The following TPO variants were observed in gnomAD, a reference collection of about 807,000 sequenced individuals.
The protein encoded by TPO is thyroid microsomal antigen.
In TPO, 78 loss-of-function variants were observed where a neutral mutation model predicts 96.9. The observed-to-expected ratio is 0.81, with a 90% confidence interval of 0.67 to 0.97. The LOEUF is 0.97. Ranked by LOEUF, TPO falls within the 50% of genes least tolerant of loss-of-function variation. The pLI, the probability that TPO is intolerant of heterozygous loss-of-function variation, is 0.00. For missense variants in TPO, 1,252 were observed against 1,274.8 expected (o/e 0.98, Z 0.27); for synonymous variants, 547 against 538.0 (o/e 1.02, Z -0.23).
Position 1,496,101 on chromosome 2 carries a change from G to T in TPO, c.2119G>T (p.Asp707Tyr), listed in dbSNP as rs781602886. The change falls in exon 12 of 17, where the codon GAT (aspartate) becomes TAT (tyrosine). Residue 707 changes from aspartate to tyrosine, a missense_variant. Transcript: ENST00000329066. Reference sequence around the variant, plus strand: ...CACTGGCCTCACCAGGGTGCCCATGGATGCCTTCCAAGTCGGCAAATTCCC... The same window carrying T: ...CACTGGCCTCACCAGGGTGCCCATGTATGCCTTCCAAGTCGGCAAATTCCC... ...DNTGLTRVPMDAFQVGKFPED... is the reference protein window; with the variant it reads ...DNTGLTRVPMYAFQVGKFPED... 5 of 1,614,010 alleles carry T rather than the reference G, an allele frequency of 3.1e-6. No homozygotes were observed. The African/African-American group carries it at 6.7e-5, about 22-fold the overall frequency.
chr2:1,539,544 T>A (rs1680475546), intron 15 of TPO, among the ~76,000 whole-genome samples: 2 of 152,160 alleles, frequency 1.3e-5, no homozygotes, highest in Non-Finnish European at 1.5e-5. Flanking sequence ...GTCTTCCATG[T>A]ACACCTAGGT....
intron 5 of TPO, among the ~76,000 whole-genome samples, chr2:1,443,422 G>T (rs1220763221): frequency 6.7e-6 from 1 of 149,242 alleles, no homozygotes; most frequent in Non-Finnish European, 1.5e-5. Context: ...GCACCGTGTT[G>T]GAAGGGAATG....
At chr2:1,527,766 C>A (rs542446953) in intron 15 of TPO, among the ~76,000 whole-genome samples, 1 of 142,190 alleles carries the variant, frequency 7.0e-6, no homozygotes, top group Admixed American at 7.0e-5. Context: ...CTCCCCAAAT[C>A]CCCCCCACTC....
chr2:1,414,780 GT>G (rs1573079595), intron 2 of TPO, among the ~76,000 whole-genome samples: 1 of 152,148 alleles, frequency 6.6e-6, no homozygotes, highest in East Asian at 1.9e-4. Context: ...CTTTGGGAGT[GT>G]TTTTCTTCCT....
In TPO at chr2:1,472,827, CAAAA is replaced by C. The variant is rs34064729; in HGVS notation, c.820-4238_820-4235del. Among the ~76,000 whole-genome samples the C allele has an allele frequency of 6.2e-3, 300 of 48,324 alleles. 1 individual carries two copies. The highest frequency in any genetic ancestry group is 0.026 in the African/African-American group (289 of 11,322). The allele number at this position is 48,324 out of a possible 152,430, so 31.7% of individuals were successfully genotyped here. A position where few individuals can be genotyped will look rare whatever the true frequency, so the allele number is the denominator to read the frequency against. On this transcript the variant is annotated intron_variant, in intron 7 of 16. Coordinates refer to ENST00000329066, the MANE Select transcript of TPO (RefSeq NM_001206744.2). ...TCATTTTTTTCTGCTTGTTTGGCGG[CAAAA>C]AAAAAAAAAAAAAAAAAAAAGGAGA...
intron 15 of TPO, 100 bp from the exon 16 acceptor site, chr2:1,540,494 A>G: frequency 1.3e-6 from 2 of 1,598,344 alleles, no homozygotes; most frequent in South Asian, 2.2e-5. Flanking sequence ...CCTGCCAAAG[A>G]CAAGCACGGC....
chr2:1,506,467 C>T, intron 14 of TPO, among the ~76,000 whole-genome samples: 1 of 152,166 alleles, frequency 6.6e-6, no homozygotes, highest in Non-Finnish European at 1.5e-5. Context: ...ACACTGCCTT[C>T]CACAATGGTT....
At chr2:1,531,833 C>G (rs61522574) in intron 15 of TPO, among the ~76,000 whole-genome samples, 1 of 80,148 alleles carries the variant, frequency 1.2e-5, no homozygotes, top group Non-Finnish European at 2.5e-5. Context: ...CAAATCACCC[C>G]CACTCTCTGC....
At chr2:1,515,135 C>A (rs1428805083) in intron 14 of TPO, among the ~76,000 whole-genome samples, 1 of 152,200 alleles carries the variant, frequency 6.6e-6, no homozygotes, top group East Asian at 1.9e-4. Context: ...CCTGTGCTTA[C>A]CTGGAATTCC....
In TPO at chr2:1,433,626, C is replaced by A. The variant is rs1665252484; in HGVS notation, c.349+19C>A. On this transcript the variant is annotated intron_variant, in intron 4 of 16. Transcript: ENST00000329066. ...CCAACGGGTAATGTGTGCCCCTCTC[C>A]CCACTGAGGAGCGGCAACTCCCGAA... is the stretch of plus-strand genomic sequence containing the variant. 8.7e-6 allele frequency: 14 copies of A among 1,611,878 alleles called. No individual in the cohort carries two copies. The highest frequency in any genetic ancestry group is 1.1e-5 in the Non-Finnish European group (13 of 1,178,758).
rs1245361149 is a variant in TPO at position 1,423,146 on chromosome 2, G to T, written c.179+17G>T. 1 of 1,612,024 alleles carries T rather than the reference G, an allele frequency of 6.2e-7. No individual in the cohort carries two copies. The highest frequency in any genetic ancestry group is 1.3e-5 in the African/African-American group (1 of 74,908). On this transcript the variant is annotated intron_variant, in intron 3 of 16. Transcript: ENST00000329066. The stretch of plus-strand genomic sequence containing the variant: ...GATGCAGAGGTGAGCCTTGCGGAGG[G>T]GCCGCCGCCCCAAATGCCACCGACA...
intron 15 of TPO, among the ~76,000 whole-genome samples, chr2:1,537,220 TC>T (rs1273681487): frequency 6.2e-5 from 2 of 32,130 alleles, no homozygotes; most frequent in East Asian, 1.1e-3. Context: ...GTGTGCCACC[TC>T]CCCAAATCCC....
At chr2:1,495,846 C>A in intron 11 of TPO, 143 bp from the exon 12 acceptor site, 1 of 918,418 alleles carries the variant, frequency 1.1e-6, no homozygotes, top group Non-Finnish European at 1.7e-6. Flanking sequence ...AGCGCCTGCA[C>A]CTGTGTGGCC....
chr2:1,510,626 C>T (rs1280729296), intron 14 of TPO, among the ~76,000 whole-genome samples: 3 of 152,156 alleles, frequency 2.0e-5, no homozygotes, highest in African/African-American at 7.2e-5. Context: ...CCGGAGAGCA[C>T]CCAAAGATGT....
rs571488028 is a variant in TPO at position 1,423,977 on chromosome 2, G to T, written c.179+848G>T. Among the ~76,000 whole-genome samples the T allele has an allele frequency of 1.6e-4, 24 of 152,336 alleles. 1 individual carries two copies. The East Asian group carries it at 3.7e-3, about 23-fold the overall frequency. On this transcript the variant is annotated intron_variant, in intron 3 of 16. Coordinates refer to ENST00000329066, the MANE Select transcript of TPO (RefSeq NM_001206744.2). ...ATACCAAGTGCGTAGTAAGAAGTGT[G>T]TGCTGCTCTCTTAGTAACAATTTGT...
At chr2:1,540,797 C>G (rs577884080) in intron 16 of TPO, 74 bp downstream of exon 16, 1 of 1,611,414 alleles carries the variant, frequency 6.2e-7, no homozygotes, top group South Asian at 1.1e-5. Context: ...CGGAGCAGCT[C>G]TGCTGGGGCT....
chr2:1,530,857 C>G (rs1479828739), intron 15 of TPO, among the ~76,000 whole-genome samples: 1 of 136,374 alleles, frequency 7.3e-6, no homozygotes, highest in Non-Finnish European at 1.6e-5. Context: ...CCCAAATACC[C>G]CCACTGTGTG....
At chr2:1,440,170 G>A (rs1007244555) in intron 5 of TPO, among the ~76,000 whole-genome samples, 1 of 148,896 alleles carries the variant, frequency 6.7e-6, no homozygotes, top group African/African-American at 2.6e-5. Context: ...TTTCCACCGT[G>A]CTGCGTTTCC....
At chr2:1,502,216 G>T (rs1466835670) in intron 13 of TPO, among the ~76,000 whole-genome samples, 3 of 152,146 alleles carry the variant, frequency 2.0e-5, no homozygotes, top group Non-Finnish European at 4.4e-5. Flanking sequence ...ATAACGGGAT[G>T]CAGGAGGGGC....
Sources: allele counts gnomAD v4.1 joint callset (sites outside exome capture counted in the v4.1 genomes callset), GRCh38; gene constraint gnomAD v4.1.1; transcripts MANE v1.5; gene names NCBI Gene and HGNC (gene_info 2026-07-23, HGNC 2026-07-21).